SFT2D1: variants seen among roughly 807,000 people sequenced by gnomAD.
SFT2D1 encodes vesicle transport protein SFT2A.
In SFT2D1, 24 loss-of-function variants were observed where a neutral mutation model predicts 28.1. The ratio of observed to expected loss-of-function variants is 0.85; its 90% CI spans 0.62 to 1.20. The LOEUF (loss-of-function observed/expected upper bound fraction) is 1.20, where lower values mean the gene tolerates loss of function less well. SFT2D1 is among the 50% of genes most tolerant of loss of function. The probability of loss-of-function intolerance (pLI) is 0.00; values close to 1 mark genes in which losing one functional copy is unlikely to be tolerated. For missense variants in SFT2D1, 181 were observed against 190.9 expected, an observed-to-expected ratio of 0.95 and a Z score of 0.31; for synonymous variants, 82 against 73.7, an observed-to-expected ratio of 1.11 and a Z score of -0.58.
chr6:166,322,747 C>CAA, intron 7 of SFT2D1, 110 bp downstream of exon 7: 2 of 753,380 alleles, frequency 2.7e-6, no homozygotes, highest in South Asian at 1.9e-5. Context: ...TAAAATCAAC[C>CAA]AAAAAAAAAG....
chr6:166,342,284 C>T, intron 1 of SFT2D1, 135 bp downstream of exon 1: 1 of 680,898 alleles, frequency 1.5e-6, no homozygotes, highest in South Asian at 2.4e-5. Context: ...CAGGCGGAGC[C>T]CTCCTAAATC....
chr6:166,331,824 T>C (rs1379435899), intron 1 of SFT2D1, among the ~76,000 whole-genome samples: 3 of 152,208 alleles, frequency 2.0e-5, no homozygotes, highest in Admixed American at 2.0e-4. Flanking sequence ...ATGGAAAGAA[T>C]AATGATTTCT....
At chr6:166,320,290 A>G in intron 7 of SFT2D1, 34 bp from the exon 8 acceptor site, 1 of 1,584,054 alleles carries the variant, frequency 6.3e-7, no homozygotes, top group Non-Finnish European at 8.6e-7. Flanking sequence ...AACAGAATAT[A>G]ATATTCCTCA....
Position 166,342,411 on chromosome 6 carries a change from T to C in SFT2D1, c.63+8A>G, listed in dbSNP as rs1778803019. On this transcript the variant is annotated splice_region_variant and intron_variant, in intron 1 of 7. Transcript: ENST00000361731. Reference sequence around the variant, plus strand: ...CCCCGGGACTGGACGAGGGCGCAAGTTCGCTACCTGCGCAGTCAGGCCCTG... The same window carrying C: ...CCCCGGGACTGGACGAGGGCGCAAGCTCGCTACCTGCGCAGTCAGGCCCTG... 6.4e-7 allele frequency: 1 copy of C among 1,552,488 alleles called. No homozygotes were observed. Among genetic ancestry groups the C allele is most frequent in the Non-Finnish European group, 8.7e-7 (1 of 1,148,714 alleles).
intron 3 of SFT2D1, 70 bp from the exon 4 acceptor site, chr6:166,328,427 CT>C (rs1210532394): frequency 5.2e-5 from 48 of 920,244 alleles, no homozygotes; most frequent in South Asian, 9.0e-5. Flanking sequence ...AAATAAACTA[CT>C]TTTTTAAAAA....
intron 4 of SFT2D1, among the ~76,000 whole-genome samples, chr6:166,327,943 G>A (rs1294535415): frequency 1.3e-5 from 2 of 152,034 alleles, no homozygotes; most frequent in Non-Finnish European, 2.9e-5. Flanking sequence ...GATTACAGGT[G>A]CATGCCACCT....
chr6:166,339,588 T>A (rs1218157537), intron 1 of SFT2D1, among the ~76,000 whole-genome samples: 1 of 152,034 alleles, frequency 6.6e-6, no homozygotes, highest in Non-Finnish European at 1.5e-5. Flanking sequence ...TCTGACCCCA[T>A]CCAGCCACCA....
chr6:166,341,524 C>A (rs9348121), intron 1 of SFT2D1, among the ~76,000 whole-genome samples: 72,845 of 151,116 alleles, frequency 0.48, 17,791 homozygotes, highest in South Asian at 0.6. Context: ...GCAATGAGAA[C>A]AGATACTTGT....
chr6:166,341,244 G>C (rs1374205801), intron 1 of SFT2D1, among the ~76,000 whole-genome samples: 2 of 151,962 alleles, frequency 1.3e-5, no homozygotes, highest in Non-Finnish European at 2.9e-5. Flanking sequence ...TCAGGAGTTC[G>C]AGACCAGCCT....
chr6:166,324,999 G>A (rs1327454486), intron 5 of SFT2D1, among the ~76,000 whole-genome samples: 2 of 152,084 alleles, frequency 1.3e-5, no homozygotes, highest in Non-Finnish European at 2.9e-5. Context: ...TTTGCTCCTT[G>A]AGTGATATTT....
chr6:166,324,993 C>T (rs1398745512), intron 5 of SFT2D1, among the ~76,000 whole-genome samples: 1 of 152,104 alleles, frequency 6.6e-6, no homozygotes, highest in Non-Finnish European at 1.5e-5. Flanking sequence ...TTCCCATTTG[C>T]TCCTTGAGTG....
chr6:166,327,706 T>C (rs1184314999), intron 4 of SFT2D1, among the ~76,000 whole-genome samples: 2 of 152,150 alleles, frequency 1.3e-5, no homozygotes, highest in Non-Finnish European at 2.9e-5. Context: ...AATACGCAGC[T>C]ACACCATGCC....
chr6:166,319,771 AT>A lies in SFT2D1; in HGVS notation c.*445del, dbSNP rs1227308468. The stretch of plus-strand genomic sequence containing the variant: ...GTTTATTTCAAAATTGTAAAGATTT[AT>A]ATATTATTTTTATTACATATAATAA... On this transcript the variant is annotated 3_prime_UTR_variant, in exon 8 of 8. Transcript: ENST00000361731. 2 of 152,216 alleles carry A rather than the reference AT, an allele frequency of 1.3e-5. No homozygotes were observed. The highest frequency in any genetic ancestry group is 4.8e-5 in the African/African-American group (2 of 41,444). The allele number at this position is 152,216 out of a possible 1,614,324, so 9.4% of individuals were successfully genotyped here. A position where few individuals can be genotyped will look rare whatever the true frequency, so the allele number is the denominator to read the frequency against.
At chr6:166,341,552 C>T (rs1299378857) in intron 1 of SFT2D1, among the ~76,000 whole-genome samples, 1 of 151,850 alleles carries the variant, frequency 6.6e-6, no homozygotes, top group Non-Finnish European at 1.5e-5. Flanking sequence ...TCTCTGAACC[C>T]AAAACTGTAG....
At chr6:166,320,800 A>G (rs994541620) in intron 7 of SFT2D1, among the ~76,000 whole-genome samples, 3 of 152,064 alleles carry the variant, frequency 2.0e-5, no homozygotes, top group Non-Finnish European at 2.9e-5. Context: ...TACAGGGATG[A>G]GCCACCAAGC....
At chr6:166,326,850 G>A (rs542861582) in intron 4 of SFT2D1, among the ~76,000 whole-genome samples, 25 of 152,346 alleles carry the variant, frequency 1.6e-4, no homozygotes, top group African/African-American at 5.5e-4. Context: ...AGTTTGAGGG[G>A]TAAGTGCCAG....
At chr6:166,335,143 T>C (rs1240483732) in intron 1 of SFT2D1, 13 of 607,564 alleles carry the variant, frequency 2.1e-5, no homozygotes, top group Non-Finnish European at 3.1e-5. Context: ...TAGTGCTTTA[T>C]CCAGCCAAAG....
At chr6:166,325,389 A>C (rs1417494998) in intron 5 of SFT2D1, among the ~76,000 whole-genome samples, 4 of 152,230 alleles carry the variant, frequency 2.6e-5, no homozygotes, top group African/African-American at 9.7e-5. Context: ...CATTTGGGAA[A>C]TAGGTTGAGT....
chr6:166,337,301 A>AG (rs1158479795), intron 1 of SFT2D1, among the ~76,000 whole-genome samples: 1 of 152,232 alleles, frequency 6.6e-6, no homozygotes, highest in Non-Finnish European at 1.5e-5. Flanking sequence ...TGACCATTCT[A>AG]GCTTCAGCCC....
Sources: allele counts gnomAD v4.1 joint callset (sites outside exome capture counted in the v4.1 genomes callset), GRCh38; gene constraint gnomAD v4.1.1; transcripts MANE v1.5; gene names NCBI Gene and HGNC (gene_info 2026-07-23, HGNC 2026-07-21).